PLBD1: variants seen among roughly 807,000 people sequenced by gnomAD.
PLBD1 encodes lysosomal leucine aminopeptidase.
A neutral mutation model predicts 63.0 loss-of-function variants in PLBD1; 60 were observed. The ratio of observed to expected loss-of-function variants is 0.95; its 90% CI spans 0.77 to 1.18. PLBD1 has a LOEUF of 1.18. PLBD1 is among the 50% of genes most tolerant of loss of function. The probability of loss-of-function intolerance (pLI) is 0.00; values close to 1 mark genes in which losing one functional copy is unlikely to be tolerated. For synonymous variants in PLBD1, 262 were observed against 248.0 expected (o/e 1.06, Z -0.53); for missense variants, 598 against 677.9 (o/e 0.88, Z 1.31).
chr12:14,567,812 G>A lies in PLBD1; in HGVS notation c.-116C>T, dbSNP rs1945807770. On this transcript the variant is annotated 5_prime_UTR_variant, in exon 1 of 11. Transcript: ENST00000240617. Reference sequence around the variant, plus strand: ...AGGGGCGCCGCCTCTCCGAGGTGGGGCGTCCTCAACTTTCCTCTTTCTTGA... The same window carrying A: ...AGGGGCGCCGCCTCTCCGAGGTGGGACGTCCTCAACTTTCCTCTTTCTTGA... 2.3e-6 allele frequency: 3 copies of A among 1,308,146 alleles called. No individual in the cohort carries two copies. The highest frequency in any genetic ancestry group is 9.8e-7 in the Non-Finnish European group (1 of 1,020,928). The allele number at this position is 1,308,146 out of a possible 1,614,324, so 81.0% of individuals were successfully genotyped here.
intron 6 of PLBD1, among the ~76,000 whole-genome samples, chr12:14,523,013 C>T (rs4462398): frequency 1 from 152,059 of 152,120 alleles, 75,999 homozygotes; most frequent in Middle Eastern, 1. Context: ...CCAAAGCAAT[C>T]AGGCAAGAGA....
chr12:14,513,754 T>C (rs1221247927), intron 6 of PLBD1, among the ~76,000 whole-genome samples: 3 of 152,178 alleles, frequency 2.0e-5, no homozygotes, highest in East Asian at 1.9e-4. Flanking sequence ...AGTTACACGA[T>C]GAGAGGACTG....
chr12:14,567,486 C>G (rs2136938800), intron 1 of PLBD1, 96 bp downstream of exon 1: 1 of 1,375,802 alleles, frequency 7.3e-7, no homozygotes, highest in East Asian at 3.1e-5. Context: ...ACCAGACGCC[C>G]GCTGGACGTC....
At chr12:14,526,384 A>G (rs1945415713) in intron 6 of PLBD1, among the ~76,000 whole-genome samples, 1 of 151,636 alleles carries the variant, frequency 6.6e-6, no homozygotes. Flanking sequence ...TAATTGCTAC[A>G]TTAAAAACAG....
Position 14,535,711 on chromosome 12 carries a change from G to A in PLBD1, c.792C>T (p.Asn264=), listed in dbSNP as rs1427886149. Residue 264 remains asparagine, a synonymous_variant, in exon 6 of 11, where the codon AAC becomes AAT. Transcript: ENST00000240617. ...MLRIYKHWDF[N]VIDKDTSSSR... is the part of the protein sequence containing the mutation. ...TACTGCTGGTATCTTTATCTATGAC[G>A]TTGAAGTCCCAGTGTTTATATATCC... 1 of 1,613,840 alleles carries A rather than the reference G, an allele frequency of 6.2e-7. No homozygotes were observed. Among genetic ancestry groups the A allele is most frequent in the Admixed American group, 1.7e-5 (1 of 60,004 alleles).
At chr12:14,512,349 G>A (rs10772786) in intron 6 of PLBD1, among the ~76,000 whole-genome samples, 89,269 of 151,620 alleles carry the variant, frequency 0.59, 26,624 homozygotes, top group Admixed American at 0.71. Flanking sequence ...GGGTTTCACC[G>A]TGTTGGCCAG....
intron 6 of PLBD1, among the ~76,000 whole-genome samples, chr12:14,516,953 C>A (rs1244895823): frequency 6.6e-6 from 1 of 152,036 alleles, no homozygotes; most frequent in South Asian, 2.1e-4. Context: ...ACACAAGAAT[C>A]GCTTGAACCT....
At chr12:14,540,041 T>C (rs1335498877) in intron 4 of PLBD1, among the ~76,000 whole-genome samples, 57 of 52,458 alleles carry the variant, frequency 1.1e-3, no homozygotes, top group African/African-American at 2.8e-3. Flanking sequence ...TATATATATA[T>C]ATATATATAT....
chr12:14,531,661 C>CA (rs1361307551), intron 6 of PLBD1, among the ~76,000 whole-genome samples: 19 of 152,248 alleles, frequency 1.2e-4, no homozygotes, highest in African/African-American at 4.6e-4. Context: ...GACGAGGCCT[C>CA]ACTCTGTCCC....
chr12:14,539,426 T>A (rs1044545942), intron 4 of PLBD1, among the ~76,000 whole-genome samples: 3 of 151,664 alleles, frequency 2.0e-5, no homozygotes, highest in Non-Finnish European at 4.4e-5. Flanking sequence ...AATATATTTA[T>A]CATCTATATA....
intron 6 of PLBD1, among the ~76,000 whole-genome samples, chr12:14,531,859 G>A (rs1057266744): frequency 1.3e-5 from 2 of 152,086 alleles, no homozygotes; most frequent in African/African-American, 4.8e-5. Flanking sequence ...AAACTCCTGA[G>A]CTCAAGATAA....
At position 14,540,781 on chromosome 12, in the gene PLBD1, T is replaced by G; in HGVS notation, c.541A>C (p.Ile181Leu). Residue 181 changes from isoleucine to leucine, a missense_variant, in exon 4 of 11, where the codon ATA (isoleucine) becomes CTA (leucine). Physicochemically the swap from Ile to Leu is conservative, Grantham distance 5. Coordinates refer to ENST00000240617, the MANE Select transcript of PLBD1 (RefSeq NM_024829.6). ...GLYVGAKKRA[I>L]LEGTKPMTLF... is the part of the protein sequence containing the mutation. ...AGTCCTACCTTTGTCCCTTCTAATATAGCCCTCTTCTTTGCTCCTACATAG... is the reference window on the plus strand; with the variant it reads ...AGTCCTACCTTTGTCCCTTCTAATAGAGCCCTCTTCTTTGCTCCTACATAG... 1.9e-6 allele frequency: 3 copies of G among 1,602,550 alleles called. No individual in the cohort carries two copies. The highest frequency in any genetic ancestry group is 1.3e-5 in the African/African-American group (1 of 74,934).
chr12:14,563,080 T>A (rs1252458399), intron 1 of PLBD1, among the ~76,000 whole-genome samples: 9 of 152,236 alleles, frequency 5.9e-5, no homozygotes, highest in African/African-American at 2.2e-4. Flanking sequence ...AAGATTTTTA[T>A]CTTTGCTACC....
chr12:14,504,240 G>C (rs573475988), intron 10 of PLBD1, among the ~76,000 whole-genome samples: 7 of 152,058 alleles, frequency 4.6e-5, no homozygotes, highest in Non-Finnish European at 8.8e-5. Flanking sequence ...AGTAGAGATG[G>C]GGTTTTGCCT....
intron 6 of PLBD1, among the ~76,000 whole-genome samples, chr12:14,514,499 A>T (rs937943234): frequency 6.6e-6 from 1 of 152,236 alleles, no homozygotes; most frequent in Non-Finnish European, 1.5e-5. Context: ...TTTAAGGAGT[A>T]GTCTTTCATT....
chr12:14,535,294 C>A (rs7136164), intron 6 of PLBD1, among the ~76,000 whole-genome samples: 1 of 152,146 alleles, frequency 6.6e-6, no homozygotes, highest in Non-Finnish European at 1.5e-5. Context: ...AAACACTACA[C>A]GCCCTCAAGG....
intron 6 of PLBD1, among the ~76,000 whole-genome samples, chr12:14,522,377 C>T (rs1390000850): frequency 6.6e-6 from 1 of 152,048 alleles, no homozygotes; most frequent in Non-Finnish European, 1.5e-5. Context: ...AAAAAGTCTT[C>T]CAGAAAAGAA....
At chr12:14,540,516 C>T (rs1945563911) in intron 4 of PLBD1, among the ~76,000 whole-genome samples, 1 of 152,072 alleles carries the variant, frequency 6.6e-6, no homozygotes, top group Admixed American at 6.6e-5. Context: ...TGCTTTTTAA[C>T]CTAATCCTGA....
At chr12:14,513,497 T>A (rs998060717) in intron 6 of PLBD1, among the ~76,000 whole-genome samples, 2 of 152,206 alleles carry the variant, frequency 1.3e-5, no homozygotes, top group African/African-American at 4.8e-5. Context: ...ACACATCTAT[T>A]CTAGCCTAGT....
Sources: allele counts gnomAD v4.1 joint callset (sites outside exome capture counted in the v4.1 genomes callset), GRCh38; gene constraint gnomAD v4.1.1; transcripts MANE v1.5; gene names NCBI Gene and HGNC (gene_info 2026-07-23, HGNC 2026-07-21).